The following PLEKHG4 variants were observed in gnomAD, a reference collection of about 807,000 sequenced individuals.
The protein encoded by PLEKHG4 is pleckstrin homology and RhoGEF domain containing G4, also known as puratrophin-1.
Under a neutral mutation model 136.9 loss-of-function variants are expected in PLEKHG4, and 85 were observed. The observed-to-expected ratio is 0.62, with a 90% CI of 0.52 to 0.74. The LOEUF (loss-of-function observed/expected upper bound fraction) is 0.74. PLEKHG4 is among the 30% of genes least tolerant of loss of function. The pLI is 0.00. For synonymous variants in PLEKHG4, 577 were observed against 646.9 expected, an observed-to-expected ratio of 0.89 and a Z score of 1.64; for missense variants, 1,317 against 1,527.8, an observed-to-expected ratio of 0.86 and a Z score of 2.30.
intron 18 of PLEKHG4, chr16:67,287,645 G>A (rs2036537812): frequency 1.1e-5 from 6 of 562,258 alleles, no homozygotes; most frequent in South Asian, 5.9e-5. Flanking sequence ...CTCCTACCTC[G>A]GCCTCCCAAA....
upstream of PLEKHG4, chr16:67,279,207 C>G (rs1447905895): frequency 2.6e-5 from 4 of 152,160 alleles, no homozygotes; most frequent in African/African-American, 9.6e-5. Flanking sequence ...CTCGCCAGGC[C>G]CGGGGAGTGG....
intron 16 of PLEKHG4, 41 bp from the exon 17 acceptor site, chr16:67,286,708 G>A (rs1385789352): frequency 5.0e-6 from 8 of 1,602,478 alleles, no homozygotes; most frequent in Non-Finnish European, 6.0e-6. Context: ...TGAAGAAGAA[G>A]GCAGAAGAGG....
In PLEKHG4 at chr16:67,280,892, T is replaced by G. The variant is rs1390172967; in HGVS notation, c.606T>G (p.Asp202Glu). 9.3e-6 allele frequency: 15 copies of G among 1,612,972 alleles called. No homozygotes were observed. Among genetic ancestry groups the G allele is most frequent in the Non-Finnish European group, 1.2e-5 (14 of 1,180,014 alleles). ...SGMATLPGTRDVQGRAVLLLC... is the reference protein window; with the variant it reads ...SGMATLPGTREVQGRAVLLLC... ...GCTTCCTCCCCACAGGGACTCGGGATGTCCAAGGCCGGGCAGTGCTGCTTC... is the reference window on the plus strand; with the variant it reads ...GCTTCCTCCCCACAGGGACTCGGGAGGTCCAAGGCCGGGCAGTGCTGCTTC... The change falls in exon 4 of 22, where the codon GAT (aspartate) becomes GAG (glutamate). Residue 202 changes from aspartate to glutamate, a missense_variant. Asp to Glu is a conservative substitution (Grantham distance 45). Coordinates refer to ENST00000379344, the MANE Select transcript of PLEKHG4 (RefSeq NM_001129729.3). The surrounding 1 kb of genome is among the most constrained non-coding windows in gnomAD (Gnocchi z 4.4).
rs1284130240 is a variant in PLEKHG4 at position 67,286,857 on chromosome 16, T to A, written c.2863T>A (p.Phe955Ile). ...RIFLFEELLL[F>I]SKPRHGPTGV... ...CTTCCTTTTTGAGGAGCTGCTGCTC[T>A]TCAGCAAGCCTCGCCATGGGCCCAC... Residue 955 changes from phenylalanine (F) to isoleucine (I), a missense_variant, in exon 17 of 22, where the codon TTC becomes ATC. Phe to Ile is a conservative substitution (Grantham distance 21). Transcript: ENST00000379344. 8.1e-6 allele frequency: 13 copies of A among 1,614,138 alleles called. No homozygotes were observed. Among genetic ancestry groups the A allele is most frequent in the Non-Finnish European group, 1.1e-5 (13 of 1,179,976 alleles).
Position 67,288,936 on chromosome 16 carries a change from G to C in PLEKHG4, c.*128G>C. ...TCCAACCTACATGTGCAACGCTGTTGACTACCCTTTCTGATGTGTGTGGCC... is the reference window on the plus strand; with the variant it reads ...TCCAACCTACATGTGCAACGCTGTTCACTACCCTTTCTGATGTGTGTGGCC... On this transcript the variant is annotated 3_prime_UTR_variant, in exon 22 of 22. Coordinates refer to ENST00000379344, the MANE Select transcript of PLEKHG4 (RefSeq NM_001129729.3). 1.9e-6 allele frequency: 2 copies of C among 1,046,022 alleles called. No individual in the cohort carries two copies. Among genetic ancestry groups the C allele is most frequent in the Non-Finnish European group, 2.9e-6 (2 of 685,182 alleles). 64.8% of individuals were successfully genotyped at this position (1,046,022 alleles called of 1,614,324 possible). A position where few individuals can be genotyped will look rare whatever the true frequency, so the allele number is the denominator to read the frequency against.
intron 11 of PLEKHG4, among the ~76,000 whole-genome samples, chr16:67,283,867 C>T (rs2036336191): frequency 6.6e-6 from 1 of 151,840 alleles, no homozygotes; most frequent in Non-Finnish European, 1.5e-5. Flanking sequence ...TCAGGATCCC[C>T]AGTGTTTAAT....
In PLEKHG4 at chr16:67,280,660, G is replaced by A; in HGVS notation, c.500-51G>A. ...AGGCTGAAGCCCGGGTCCAAGTAGG[G>A]GTCTCTGGATAGGTGGTCCAAGGCA... is the stretch of plus-strand genomic sequence containing the variant. On this transcript the variant is annotated intron_variant, in intron 2 of 21. Transcript: ENST00000379344. This position sits in a 1 kb window ranked among gnomAD's most constrained non-coding sequence, Gnocchi z 4.4. The A allele has an allele frequency of 6.2e-7, 1 of 1,613,008 alleles. No homozygotes were observed. Among genetic ancestry groups the A allele is most frequent in the Non-Finnish European group, 8.5e-7 (1 of 1,179,204 alleles).
In PLEKHG4 at chr16:67,288,179, G is replaced by A. The variant is rs758973988; in HGVS notation, c.3233G>A (p.Arg1078Gln). The change falls in exon 20 of 22, where the codon CGG becomes CAG. Residue 1078 changes from arginine to glutamine, a missense_variant. Arg to Gln is a conservative substitution (Grantham distance 43). Coordinates refer to ENST00000379344, the MANE Select transcript of PLEKHG4 (RefSeq NM_001129729.3). ...CTCTCTTATGCAGAAGTTCGCTCTC[G>A]GGCGTCCATTGCCGTAGCCCCGTTT... ...YVLKCREVRS[R>Q]ASIAVAPFDH... is the part of the protein sequence containing the mutation. 12 of 1,613,756 alleles carry A rather than the reference G, an allele frequency of 7.4e-6. No homozygotes were observed. Among genetic ancestry groups the A allele is most frequent in the South Asian group, 1.1e-5 (1 of 91,080 alleles).
intron 11 of PLEKHG4, among the ~76,000 whole-genome samples, chr16:67,283,621 G>T (rs1174866521): frequency 6.6e-6 from 1 of 152,116 alleles, no homozygotes; most frequent in Non-Finnish European, 1.5e-5. Context: ...AAGGATGAAT[G>T]GGTGCTGTTC....
chr16:67,286,979 C>T (rs1367530733), intron 17 of PLEKHG4, 21 bp from the exon 18 acceptor site: 1 of 1,613,028 alleles, frequency 6.2e-7, no homozygotes, highest in African/African-American at 1.3e-5. Flanking sequence ...TTACCAAGCC[C>T]CTCTCTCCCG....
intron 11 of PLEKHG4, among the ~76,000 whole-genome samples, chr16:67,283,077 C>G (rs1381931818): frequency 1.3e-5 from 2 of 152,048 alleles, no homozygotes; most frequent in East Asian, 3.9e-4. Flanking sequence ...GAGGGTATAA[C>G]CAAGACTTTA....
chr16:67,278,131 A>G (rs2036058081), upstream of PLEKHG4: 1 of 152,574 alleles, frequency 6.6e-6, no homozygotes, highest in African/African-American at 2.4e-5. Flanking sequence ...GCCCTGGGAC[A>G]GAACTGGGGA....
intron 18 of PLEKHG4, chr16:67,287,483 T>C: frequency 1.9e-6 from 1 of 515,394 alleles, no homozygotes. Flanking sequence ...CATTGTAGCC[T>C]CTGCCTCCTG....
In PLEKHG4 at chr16:67,284,317, G is replaced by A; in HGVS notation, c.1552G>A (p.Gly518Ser). 6.2e-7 allele frequency: 1 copy of A among 1,613,896 alleles called. No individual in the cohort carries two copies. Among genetic ancestry groups the A allele is most frequent in the Non-Finnish European group, 8.5e-7 (1 of 1,179,934 alleles). ...GGAGAAGTTTCTGCAGCCGCTGACTGGCTGGGAGGCGGCTGAACTGGACCC... is the reference window on the plus strand; with the variant it reads ...GGAGAAGTTTCTGCAGCCGCTGACTAGCTGGGAGGCGGCTGAACTGGACCC... Reference protein sequence around the residue: ...QGEKFLQPLTGWEAAELDPPG... With the variant: ...QGEKFLQPLTSWEAAELDPPG... The change falls in exon 12 of 22, where the codon GGC (glycine) becomes AGC (serine). Residue 518 changes from glycine (G) to serine (S), a missense_variant. Gly to Ser is a moderately conservative substitution (Grantham distance 56). Transcript: ENST00000379344. The surrounding 1 kb of genome is among the most constrained non-coding windows in gnomAD (Gnocchi z 4.4).
Position 67,287,158 on chromosome 16 carries a change from G to A in PLEKHG4, c.3084G>A (p.Arg1028=). The A allele has an allele frequency of 6.2e-7, 1 of 1,609,070 alleles. No individual in the cohort carries two copies. Among genetic ancestry groups the A allele is most frequent in the Non-Finnish European group, 8.5e-7 (1 of 1,180,022 alleles). The part of the protein sequence containing the change: ...WTADISHLLW[R]QAVHNKEVRM... ...CTGACATCTCCCACCTGCTTTGGAG[G>A]CAGGCCGTCCACAACAAGGGTGGGT... is the stretch of plus-strand genomic sequence containing the variant. The change falls in exon 18 of 22, where the codon AGG becomes AGA. Residue 1028 remains arginine, a synonymous_variant. Transcript: ENST00000379344.
In PLEKHG4 at chr16:67,288,330, C is replaced by G. The variant is rs763416461; in HGVS notation, c.3384C>G (p.Pro1128=). 1.9e-6 allele frequency: 3 copies of G among 1,612,138 alleles called. No homozygotes were observed. The African/African-American group carries it at 4.0e-5, about 22-fold the overall frequency. The change falls in exon 20 of 22, where the codon CCC becomes CCG. Residue 1128 remains proline, a synonymous_variant. Transcript: ENST00000379344. ...RDPALLGLRC[P]LYPSFPEEAA... is the part of the protein sequence containing the mutation. ...CAGCTCTTCTGGGTCTCCGCTGTCC[C>G]CTGTATCCCAGCTTCCCAGAGGAAG...
chr16:67,283,729 C>T lies in PLEKHG4; in HGVS notation c.1510-546C>T, dbSNP rs546979394. 5.9e-5 allele frequency among the ~76,000 whole-genome samples: 9 copies of T among 152,022 alleles called. No homozygotes were observed. The East Asian group carries it at 1.7e-3, about 29-fold the overall frequency. The stretch of plus-strand genomic sequence containing the variant: ...TGGCTGTGAGGGATGAGAGGAGGGC[C>T]CTTGGGTCTTGGGCCTGGAGCTCAG... On this transcript the variant is annotated intron_variant, in intron 11 of 21. Coordinates refer to ENST00000379344, the MANE Select transcript of PLEKHG4 (RefSeq NM_001129729.3).
In PLEKHG4 at chr16:67,284,972, C is replaced by T. The variant is rs758150648; in HGVS notation, c.1952C>T (p.Pro651Leu). 1.9e-5 allele frequency: 30 copies of T among 1,613,060 alleles called. No individual in the cohort carries two copies. The highest frequency in any genetic ancestry group is 2.7e-5 in the African/African-American group (2 of 74,928). The change falls in exon 13 of 22, where the codon CCG becomes CTG. Residue 651 changes from proline to leucine, a missense_variant. Pro to Leu is a moderately conservative substitution (Grantham distance 98). Transcript: ENST00000379344. This position sits in a 1 kb window ranked among gnomAD's most constrained non-coding sequence, Gnocchi z 4.4. ...CTTGAGGCTTCACTGAAGCTACCAC[C>T]GGTGGGCAGCACAGCTAGCCTGTGT... Reference protein sequence around the residue: ...QKLEASLKLPPVGSTASLCVS... With the variant: ...QKLEASLKLPLVGSTASLCVS...
intron 7 of PLEKHG4, 41 bp from the exon 8 acceptor site, chr16:67,281,968 A>G (rs776381542): frequency 6.4e-7 from 1 of 1,572,150 alleles, no homozygotes; most frequent in Non-Finnish European, 8.8e-7. Flanking sequence ...CCCAGGACCA[A>G]CACTGCATGC....
Sources: gnomAD v4.1 joint callset for allele counts (sites outside exome capture counted in the v4.1 genomes callset) on GRCh38, gnomAD v4.1.1 for gene constraint, Gnocchi (gnomAD v3.1) non-coding constraint, MANE v1.5 for transcripts, NCBI Gene and HGNC (gene_info 2026-07-23, HGNC 2026-07-21) for gene names.